The following SMIM31 variants were observed in gnomAD, a reference collection of about 807,000 sequenced individuals.
SMIM31 encodes the protein small integral membrane protein 31, also known as human epithelial cell program regulator.
chr4:164,770,468 G>T lies in SMIM31; in HGVS notation c.25G>T (p.Glu9Ter). The T allele has an allele frequency of 2.5e-6, 1 of 398,954 alleles. No homozygotes were observed. The highest frequency in any genetic ancestry group is 3.6e-5 in the East Asian group (1 of 28,066). The allele number at this position is 398,954 out of a possible 1,614,324, so 24.7% of individuals were successfully genotyped here. A position where few individuals can be genotyped will look rare whatever the true frequency, so the allele number is the denominator to read the frequency against. The stretch of plus-strand genomic sequence containing the variant: ...CATGGAGCTTCCCTACACCAACTTG[G>T]AAATGGCATTCATTTTATTGGCTTT... Reference protein sequence around the residue: MELPYTNLEMAFILLAFVI... With the variant: MELPYTNL The change falls in exon 2 of 3, where the codon GAA becomes TAA. Residue 9 changes from glutamate (E) to a stop codon, truncating the protein, a stop_gained. Transcript: ENST00000507311. LOFTEE classifies it high-confidence loss of function.
chr4:164,783,142 C>T lies in SMIM31; in HGVS notation c.112+12587C>T, dbSNP rs551367815. ...CTGAGGCAGGAGAATTGCTTGAACC[C>T]GGGAGGTGGAGGTTGTGGTGAGCCG... is the stretch of plus-strand genomic sequence containing the variant. On this transcript the variant is annotated intron_variant, in intron 2 of 2. Transcript: ENST00000507311. Among the ~76,000 whole-genome samples, 9 of 146,008 alleles carry T rather than the reference C, an allele frequency of 6.2e-5. No individual in the cohort carries two copies. The South Asian group carries it at 6.7e-4, about 11-fold the overall frequency.
intron 1 of SMIM31, among the ~76,000 whole-genome samples, chr4:164,764,339 C>T (rs766633709): frequency 3.3e-5 from 5 of 151,892 alleles, no homozygotes; most frequent in Non-Finnish European, 5.9e-5. Context: ...GAGGCCGAGG[C>T]GGGCAGATCA....
rs573857115 is a variant in SMIM31 at position 164,763,586 on chromosome 4, G to A, written c.-25-6833G>A. On this transcript the variant is annotated intron_variant, in intron 1 of 2. Coordinates refer to ENST00000507311, the MANE Select transcript of SMIM31 (RefSeq NM_001352885.1). Reference sequence around the variant, plus strand: ...TGAATCTCAATGACTGTATGATTGAGCATTCACCAAATGCCAGACACTGTT... The same window carrying A: ...TGAATCTCAATGACTGTATGATTGAACATTCACCAAATGCCAGACACTGTT... Among the ~76,000 whole-genome samples the A allele has an allele frequency of 4.6e-5, 7 of 152,296 alleles. No individual in the cohort carries two copies. The South Asian group carries it at 1.4e-3, about 32-fold the overall frequency.
chr4:164,767,625 G>C (rs780717216), intron 1 of SMIM31, among the ~76,000 whole-genome samples: 5 of 152,202 alleles, frequency 3.3e-5, no homozygotes, highest in Non-Finnish European at 5.9e-5. Context: ...GGATATGCAA[G>C]AATGGGAACA....
intron 1 of SMIM31, among the ~76,000 whole-genome samples, chr4:164,755,202 A>G (rs62352401): frequency 0.11 from 17,324 of 151,442 alleles, 1,103 homozygotes; most frequent in African/African-American, 0.16. Context: ...AGCCACAGCC[A>G]GGCACGGTGG....
At chr4:164,800,141 G>A (rs1733263188) in intron 2 of SMIM31, among the ~76,000 whole-genome samples, 3 of 152,070 alleles carry the variant, frequency 2.0e-5, no homozygotes, top group Admixed American at 2.0e-4. Flanking sequence ...CCTAGGGAAT[G>A]CTTTAGCCTA....
chr4:164,798,076 T>A (rs1733228398), intron 2 of SMIM31, among the ~76,000 whole-genome samples: 1 of 152,210 alleles, frequency 6.6e-6, no homozygotes, highest in Non-Finnish European at 1.5e-5. Context: ...CATTCTTTTT[T>A]ATGGGCTAAG....
intron 1 of SMIM31, among the ~76,000 whole-genome samples, chr4:164,757,618 T>C (rs994448381): frequency 1.3e-5 from 2 of 152,066 alleles, no homozygotes; most frequent in Admixed American, 1.3e-4. Flanking sequence ...GAAATAGAAG[T>C]TCCTTTTTTT....
At position 164,780,558 on chromosome 4, in the gene SMIM31, T is replaced by C. The variant is rs150821136; in HGVS notation, c.112+10003T>C. The stretch of plus-strand genomic sequence containing the variant: ...TCCTAATACTGGTAAACTGGATTAT[T>C]TTAAAATAGAAGCTGTAAAAGGATC... On this transcript the variant is annotated intron_variant, in intron 2 of 2. Transcript: ENST00000507311. Among the ~76,000 whole-genome samples the C allele has an allele frequency of 3.0e-3, 463 of 152,338 alleles. 3 individuals are homozygous for C. Among genetic ancestry groups the C allele is most frequent in the African/African-American group, 0.011 (450 of 41,578 alleles).
chr4:164,773,201 GAGA>G (rs1579065639), intron 2 of SMIM31, among the ~76,000 whole-genome samples: 1 of 152,158 alleles, frequency 6.6e-6, no homozygotes, highest in Admixed American at 6.5e-5. Context: ...ACTTGGTAGG[GAGA>G]AGGAGGCTGG....
chr4:164,774,467 C>T (rs149377386), intron 2 of SMIM31, among the ~76,000 whole-genome samples: 38 of 152,240 alleles, frequency 2.5e-4, no homozygotes, highest in African/African-American at 9.1e-4. Flanking sequence ...TACATAAGCA[C>T]CCCAAAATAG....
intron 2 of SMIM31, among the ~76,000 whole-genome samples, chr4:164,788,478 C>CTTTTTCTTTTTTTTTTTTT (rs1733056135): frequency 3.4e-5 from 2 of 58,162 alleles, no homozygotes; most frequent in African/African-American, 1.4e-4. Flanking sequence ...TCTAATTTTT[C>CTTTTTCTTTTTTTTTTTTT]TTTTTTTTTT....
At chr4:164,800,902 A>C (rs1259418560) in intron 2 of SMIM31, among the ~76,000 whole-genome samples, 189 bp from the exon 3 acceptor site, 1 of 152,076 alleles carries the variant, frequency 6.6e-6, no homozygotes, top group African/African-American at 2.4e-5. Flanking sequence ...AGTGTTCACT[A>C]GTCTCTTCTC....
rs533990113 is a variant in SMIM31, at chr4:164,756,555, G to A, written c.-26+2144G>A. 2.0e-5 allele frequency among the ~76,000 whole-genome samples: 3 copies of A among 150,110 alleles called. 1 individual carries two copies. Among genetic ancestry groups the A allele is most frequent in the Non-Finnish European group, 4.4e-5 (3 of 67,840 alleles). The stretch of plus-strand genomic sequence containing the variant: ...TCACTGCACTCGAGACTGGGGGACA[G>A]AGCGAGACTCTGTCTCAAAAAAAAA... On this transcript the variant is annotated intron_variant, in intron 1 of 2. Transcript: ENST00000507311.
intron 1 of SMIM31, among the ~76,000 whole-genome samples, chr4:164,758,393 C>A (rs1732595024): frequency 1.3e-5 from 2 of 152,042 alleles, no homozygotes; most frequent in African/African-American, 4.8e-5. Flanking sequence ...TGGCTAAAGC[C>A]TTCAGTGTAA....
chr4:164,781,627 C>T (rs1486657593), intron 2 of SMIM31, among the ~76,000 whole-genome samples: 1 of 152,078 alleles, frequency 6.6e-6, no homozygotes, highest in African/African-American at 2.4e-5. Flanking sequence ...TTGCCTCTTC[C>T]CACTAGATCC....
intron 1 of SMIM31, among the ~76,000 whole-genome samples, chr4:164,765,897 G>A (rs902591909): frequency 6.6e-6 from 1 of 152,122 alleles, no homozygotes; most frequent in Non-Finnish European, 1.5e-5. Context: ...TTTAGATGAA[G>A]GCAGTCATTT....
intron 1 of SMIM31, among the ~76,000 whole-genome samples, chr4:164,769,563 G>A (rs1468654742): frequency 7.3e-6 from 1 of 137,170 alleles, no homozygotes; most frequent in Non-Finnish European, 1.6e-5. Flanking sequence ...CATGGACACA[G>A]GAAGGGGCAC....
At chr4:164,754,515 G>A (rs1732528632) in intron 1 of SMIM31, 104 bp downstream of exon 1, 1 of 137,092 alleles carries the variant, frequency 7.3e-6, no homozygotes, top group Non-Finnish European at 1.5e-5. Flanking sequence ...AACTGCCACA[G>A]CTAAGAAATT....
Sources: gnomAD v4.1 joint callset for allele counts (sites outside exome capture counted in the v4.1 genomes callset) on GRCh38, gnomAD v4.1.1 for gene constraint, MANE v1.5 for transcripts, NCBI Gene and HGNC (gene_info 2026-07-23, HGNC 2026-07-21) for gene names.